Variants in GPHN observed in about 807,000 individuals in gnomAD.
GPHN encodes the protein gephyrin.
Under a neutral mutation model 95.5 loss-of-function variants are expected in GPHN, and 17 were observed. That is an observed-to-expected ratio of 0.18 (90% CI 0.12 to 0.27). The LOEUF is 0.27. Ranked by LOEUF, GPHN falls within the 10% of genes least tolerant of loss-of-function variation. The pLI is 1.00. For synonymous variants in GPHN, 320 were observed against 322.5 expected, an observed-to-expected ratio of 0.99 and a Z score of 0.08; for missense variants, 660 against 978.1, an observed-to-expected ratio of 0.67 and a Z score of 4.34.
the GPHN span, among the ~76,000 whole-genome samples, chr14:67,466,117 T>G: frequency 1.3e-5 from 2 of 152,364 alleles, no homozygotes. Flanking sequence ...AGGACACTGA[T>G]ACAACCCCAT....
At chr14:67,365,813 A>G in the GPHN span, among the ~76,000 whole-genome samples, 1 of 152,168 alleles carries the variant, frequency 6.6e-6, no homozygotes, top group African/African-American at 2.4e-5. Context: ...GTTTACTGAT[A>G]CTTTCTCACT....
At chr14:67,258,306 A>C in the GPHN span, among the ~76,000 whole-genome samples, 103 of 152,076 alleles carry the variant, frequency 6.8e-4, no homozygotes, top group Non-Finnish European at 1.3e-3. Context: ...ATCCCAAGGC[A>C]GGTGGATCGC....
intron 1 of GPHN, among the ~76,000 whole-genome samples, chr14:66,621,188 G>A (rs1384490679): frequency 6.6e-6 from 1 of 151,242 alleles, no homozygotes; most frequent in Non-Finnish European, 1.5e-5. Flanking sequence ...TGTTAGCCAG[G>A]GTGGTCTCGA....
At chr14:67,072,771 A>G (rs2076358275) in intron 11 of GPHN, among the ~76,000 whole-genome samples, 2 of 148,062 alleles carry the variant, frequency 1.4e-5, no homozygotes, top group East Asian at 2.0e-4. Flanking sequence ...GCAGAATCCC[A>G]GTCTCCTTGG....
chr14:67,341,805 T>A, the GPHN span, among the ~76,000 whole-genome samples: 1 of 152,206 alleles, frequency 6.6e-6, no homozygotes, highest in Non-Finnish European at 1.5e-5. Context: ...TAGAAAGAAG[T>A]AGACATGGGA....
At chr14:66,615,099 T>C (rs2062949198) in intron 1 of GPHN, among the ~76,000 whole-genome samples, 1 of 152,236 alleles carries the variant, frequency 6.6e-6, no homozygotes, top group African/African-American at 2.4e-5. Context: ...TCACATTTTC[T>C]TTATCCAGTC....
At chr14:66,835,354 T>C (rs2061753498) in intron 4 of GPHN, among the ~76,000 whole-genome samples, 1 of 151,902 alleles carries the variant, frequency 6.6e-6, no homozygotes, top group Non-Finnish European at 1.5e-5. Context: ...TGTGAGGGTG[T>C]CAATTTTGGA....
Position 66,877,383 on chromosome 14 carries a change from C to G in GPHN, c.295-2556C>G, listed in dbSNP as rs185098327. Among the ~76,000 whole-genome samples the G allele has an allele frequency of 5.5e-4, 84 of 152,194 alleles. 3 individuals carry two copies. The East Asian group carries it at 0.016, about 28-fold the overall frequency. On this transcript the variant is annotated intron_variant, in intron 4 of 22. Transcript: ENST00000478722. ...TTCAACATAGTATTGGAAGTTCTGG[C>G]CAGAGCAATCAGGCAAGAGAAAGAA...
At chr14:67,390,685 A>C in the GPHN span, 1 of 1,613,248 alleles carries the variant, frequency 6.2e-7, no homozygotes. Flanking sequence ...ATAGTAATGC[A>C]GGAAAGCTGG....
At chr14:67,112,849 A>G (rs1174181271) in intron 15 of GPHN, among the ~76,000 whole-genome samples, 169 bp from the exon 16 acceptor site, 1 of 152,228 alleles carries the variant, frequency 6.6e-6, no homozygotes, top group Non-Finnish European at 1.5e-5. Flanking sequence ...TTTTAAAATT[A>G]AAAAAGCATA....
the GPHN span, among the ~76,000 whole-genome samples, chr14:67,240,624 T>C: frequency 6.6e-6 from 1 of 152,220 alleles, no homozygotes; most frequent in Non-Finnish European, 1.5e-5. Context: ...GACACATTGC[T>C]GGTGTTTCTC....
chr14:67,133,673 T>C (rs79421291), intron 17 of GPHN, among the ~76,000 whole-genome samples: 4,716 of 152,284 alleles, frequency 0.031, 119 homozygotes, highest in Admixed American at 0.045. Context: ...ACCCTCTGAA[T>C]ATATTCTTTC....
chr14:67,598,341 A>G, the GPHN span, among the ~76,000 whole-genome samples: 1 of 152,194 alleles, frequency 6.6e-6, no homozygotes, highest in African/African-American at 2.4e-5. Flanking sequence ...ACCTGGCATA[A>G]AAGCAGGCTT....
chr14:67,161,503 T>C (rs1048186478), intron 19 of GPHN, among the ~76,000 whole-genome samples: 9 of 152,016 alleles, frequency 5.9e-5, no homozygotes, highest in Non-Finnish European at 1.2e-4. Context: ...GGCTCACACC[T>C]ATAATCCCAG....
At chr14:67,392,635 G>A in the GPHN span, 7 of 1,590,064 alleles carry the variant, frequency 4.4e-6, no homozygotes, top group Non-Finnish European at 5.2e-6. Context: ...TGCCCTGGTG[G>A]CAAGAAGAAC....
intron 2 of GPHN, among the ~76,000 whole-genome samples, chr14:66,755,517 A>C (rs2058525523): frequency 6.6e-6 from 1 of 152,034 alleles, no homozygotes; most frequent in South Asian, 2.1e-4. Flanking sequence ...TGGCTCTTTG[A>C]GATGTAGACT....
intron 9 of GPHN, among the ~76,000 whole-genome samples, chr14:67,001,366 G>T (rs1408061225): frequency 7.3e-6 from 1 of 137,592 alleles, no homozygotes; most frequent in Non-Finnish European, 1.7e-5. Context: ...ATTATAATAT[G>T]ATATGTTATA....
At chr14:66,599,150 G>A (rs867809008) in intron 1 of GPHN, among the ~76,000 whole-genome samples, 8 of 151,674 alleles carry the variant, frequency 5.3e-5, no homozygotes, top group Admixed American at 2.0e-4. Flanking sequence ...TATTAATAAC[G>A]GAGCATAATC....
intron 1 of GPHN, among the ~76,000 whole-genome samples, chr14:66,635,572 A>T (rs886115471): frequency 6.6e-6 from 1 of 152,194 alleles, no homozygotes; most frequent in African/African-American, 2.4e-5. Flanking sequence ...CATGATTGAT[A>T]ATCCACACTA....
Sources: gnomAD v4.1 joint callset for allele counts (sites outside exome capture counted in the v4.1 genomes callset) on GRCh38, gnomAD v4.1.1 for gene constraint, MANE v1.5 for transcripts, NCBI Gene and HGNC (gene_info 2026-07-23, HGNC 2026-07-21) for gene names.